Variants in MCF2 observed in about 807,000 individuals in gnomAD.
The protein encoded by MCF2 is MCF.2 cell line derived transforming sequence, also known as proto-oncogene DBL.
MCF2 carries 44 observed loss-of-function variants against 82.5 expected under a neutral mutation model. The ratio of observed to expected loss-of-function variants is 0.53; its 90% CI spans 0.42 to 0.69. The LOEUF (loss-of-function observed/expected upper bound fraction) is 0.69. Among genes scored for constraint, MCF2 ranks in the 30% least tolerant of loss-of-function variants. The probability of loss-of-function intolerance (pLI) is 0.00; values close to 1 mark genes in which losing one functional copy is unlikely to be tolerated. For synonymous variants in MCF2, 217 were observed against 224.9 expected (o/e 0.96, Z 0.32); for missense variants, 623 against 663.1 (o/e 0.94, Z 0.66).
chrX:139,589,010 C>T (rs1298174107), intron 20 of MCF2, among the ~76,000 whole-genome samples: 1 of 110,760 alleles, frequency 9.0e-6, no homozygotes, highest in African/African-American at 3.3e-5. Context: ...TATAATTTCA[C>T]TTATTTTGTC....
chrX:139,664,238 A>G (rs1461539684), intron 1 of MCF2, among the ~76,000 whole-genome samples: 2 of 110,048 alleles, frequency 1.8e-5, no homozygotes, highest in African/African-American at 6.6e-5. Flanking sequence ...CCTGACCTCA[A>G]GTAATCTGCC....
chrX:139,690,341 T>TG (rs1556125339), intron 1 of MCF2, among the ~76,000 whole-genome samples: 2 of 102,885 alleles, frequency 1.9e-5, no homozygotes, highest in African/African-American at 7.2e-5. Context: ...CAAAGGAGTT[T>TG]TTTTTTTTTT....
chrX:139,699,568 C>G (rs775776238), intron 1 of MCF2, among the ~76,000 whole-genome samples: 3 of 112,178 alleles, frequency 2.7e-5, no homozygotes, highest in East Asian at 2.8e-4. Context: ...ATGGATCTAC[C>G]TATTCTGGAC....
At chrX:139,587,048 G>A (rs1444134440) in intron 22 of MCF2, among the ~76,000 whole-genome samples, 3 of 111,730 alleles carry the variant, frequency 2.7e-5, no homozygotes, top group African/African-American at 6.5e-5. Context: ...GACATGCAGC[G>A]AAGGAAAAAA....
intron 4 of MCF2, among the ~76,000 whole-genome samples, chrX:139,628,462 A>T (rs1932817260): frequency 1.8e-5 from 2 of 111,141 alleles, no homozygotes; most frequent in East Asian, 5.7e-4. Flanking sequence ...GACAGTGGGG[A>T]CTACTAGAGG....
chrX:139,646,442 A>C (rs1826963596), upstream of MCF2, among the ~76,000 whole-genome samples: 1 of 112,193 alleles, frequency 8.9e-6, no homozygotes, highest in African/African-American at 3.2e-5. Flanking sequence ...TGTTATATTC[A>C]GAAGAAATGA....
At chrX:139,602,562 AG>A in intron 15 of MCF2, 64 bp from the exon 20 acceptor site, 1 of 765,594 alleles carries the variant, frequency 1.3e-6, no homozygotes, top group Non-Finnish European at 2.0e-6. Flanking sequence ...CCATCAAGAA[AG>A]GCTAAACAAG....
intron 1 of MCF2, among the ~76,000 whole-genome samples, chrX:139,684,696 C>T (rs924364358): frequency 8.9e-6 from 1 of 111,849 alleles, no homozygotes; most frequent in African/African-American, 3.3e-5. Context: ...ACATTACGCT[C>T]AGTGAAAGAA....
intron 1 of MCF2, among the ~76,000 whole-genome samples, chrX:139,682,791 C>A (rs1288517094): frequency 2.7e-5 from 3 of 112,330 alleles, no homozygotes; most frequent in African/African-American, 9.7e-5. Flanking sequence ...ACAAAGGCGA[C>A]TGAGTTAGTG....
At chrX:139,582,925 A>G (rs1391497024) in intron 24 of MCF2, among the ~76,000 whole-genome samples, 1 of 112,045 alleles carries the variant, frequency 8.9e-6, no homozygotes, top group Non-Finnish European at 1.9e-5. Context: ...AACATTAATT[A>G]AAGAAATTAA....
intron 22 of MCF2, among the ~76,000 whole-genome samples, chrX:139,586,917 A>C (rs1387161369): frequency 1.8e-5 from 2 of 111,961 alleles, no homozygotes; most frequent in Non-Finnish European, 3.8e-5. Flanking sequence ...ATGTACGATA[A>C]AAGATGGAGC....
chrX:139,659,503 T>G (rs1934298221), intron 1 of MCF2, among the ~76,000 whole-genome samples: 1 of 110,736 alleles, frequency 9.0e-6, no homozygotes, highest in Non-Finnish European at 1.9e-5. Context: ...GATCCCAGAG[T>G]GTAACAGCAA....
At chrX:139,676,643 T>A (rs1192985158) in intron 1 of MCF2, among the ~76,000 whole-genome samples, 2 of 111,628 alleles carry the variant, frequency 1.8e-5, no homozygotes, top group Non-Finnish European at 1.9e-5. Flanking sequence ...ATTGGTAAAG[T>A]GGAAAAAATG....
chrX:139,634,408 T>G (rs1275480338), intron 1 of MCF2, among the ~76,000 whole-genome samples: 3 of 111,544 alleles, frequency 2.7e-5, no homozygotes, highest in Non-Finnish European at 5.7e-5. Context: ...AAGAAAAAAG[T>G]AACTTCCACC....
intron 2 of MCF2, among the ~76,000 whole-genome samples, chrX:139,648,070 T>C (rs1367067648): frequency 9.0e-6 from 1 of 111,692 alleles, no homozygotes; most frequent in East Asian, 2.8e-4. Flanking sequence ...AATAAAAATA[T>C]GACAATAGAA....
intron 1 of MCF2, among the ~76,000 whole-genome samples, chrX:139,635,480 A>G (rs1391918828): frequency 9.1e-6 from 1 of 110,480 alleles, no homozygotes; most frequent in Non-Finnish European, 1.9e-5. Flanking sequence ...ACATGGTGAA[A>G]ACCCGTTTCT....
chrX:139,598,483 A>G, exon 17 of MCF2: 1 of 1,109,618 alleles, frequency 9.0e-7, no homozygotes, highest in Middle Eastern at 2.7e-4. Flanking sequence ...CTGTGTTTTA[A>G]CTTTCTTTGA....
intron 6 of MCF2, among the ~76,000 whole-genome samples, chrX:139,620,483 G>T (rs191687636): frequency 4.5e-5 from 5 of 110,785 alleles, no homozygotes; most frequent in South Asian, 3.8e-4. Flanking sequence ...CTACCAAAAG[G>T]CTCCTAGAAT....
At chrX:139,599,359 A>G (rs748623276) in intron 16 of MCF2, among the ~76,000 whole-genome samples, 10 of 109,346 alleles carry the variant, frequency 9.1e-5, no homozygotes, top group Non-Finnish European at 1.7e-4. Flanking sequence ...AAGTTATTTT[A>G]CTAGGCAAAA....
Sources: allele counts gnomAD v4.1 joint callset (sites outside exome capture counted in the v4.1 genomes callset), GRCh38; gene constraint gnomAD v4.1.1; transcripts MANE v1.5; gene names NCBI Gene and HGNC (gene_info 2026-07-23, HGNC 2026-07-21).